The following RAB27B variants were observed in gnomAD, a reference collection of about 807,000 sequenced individuals.
RAB27B encodes the protein RAB27B, member RAS oncogene family, also known as ras-related protein Rab-27B.
A neutral mutation model predicts 24.6 loss-of-function variants in RAB27B; 15 were observed. The observed-to-expected ratio is 0.61, with a 90% CI of 0.41 to 0.94. RAB27B has a LOEUF of 0.94. Among genes scored for constraint, RAB27B ranks in the 40% least tolerant of loss-of-function variants. The pLI, the probability that RAB27B is intolerant of heterozygous loss-of-function variation, is 0.00. For missense variants in RAB27B, 261 were observed against 266.8 expected (o/e 0.98, Z 0.15); for synonymous variants, 105 against 92.5 (o/e 1.14, Z -0.78).
intron 2 of RAB27B, among the ~76,000 whole-genome samples, chr18:54,810,970 A>G (rs1173203806): frequency 6.6e-6 from 1 of 152,138 alleles, no homozygotes; most frequent in African/African-American, 2.4e-5. Context: ...TTGTTAAATT[A>G]TCTTTGTATC....
At chr18:54,731,551 T>C (rs1346938589) in intron 2 of RAB27B, among the ~76,000 whole-genome samples, 4 of 151,894 alleles carry the variant, frequency 2.6e-5, no homozygotes, top group Non-Finnish European at 5.9e-5. Flanking sequence ...AGAAACCCTA[T>C]GTCTACTAAA....
rs577861065 is a variant in RAB27B at position 54,740,844 on chromosome 18, A to C, written c.-20+22703A>C. On this transcript the variant is annotated intron_variant, in intron 2 of 4. Coordinates refer to the RAB27B transcript ENST00000586570. ...ATAGATAGATAGATGATAGATCGAT[A>C]GATAGATAATATAAAGAATGAAATG... 5.3e-5 allele frequency among the ~76,000 whole-genome samples: 8 copies of C among 152,324 alleles called. No homozygotes were observed. The Middle Eastern group carries it at 0.01, about 194-fold the overall frequency.
intron 2 of RAB27B, among the ~76,000 whole-genome samples, chr18:54,796,960 A>G (rs1255884703): frequency 6.6e-6 from 1 of 152,232 alleles, no homozygotes; most frequent in Non-Finnish European, 1.5e-5. Context: ...TTTCTGCAAC[A>G]TCTGAGTTTA....
intron 1 of RAB27B, among the ~76,000 whole-genome samples, chr18:54,876,628 T>C (rs2145269745): frequency 6.6e-6 from 1 of 152,224 alleles, no homozygotes; most frequent in Admixed American, 6.5e-5. Context: ...GTCATTCAAA[T>C]ACATGTCCTG....
At chr18:54,829,247 G>C (rs1218831241) in intron 1 of RAB27B, among the ~76,000 whole-genome samples, 1 of 152,128 alleles carries the variant, frequency 6.6e-6, no homozygotes, top group African/African-American at 2.4e-5. Context: ...ACCAACTAGG[G>C]TATATGTGTG....
At chr18:54,800,259 A>C (rs1211230778) in intron 2 of RAB27B, among the ~76,000 whole-genome samples, 1 of 152,230 alleles carries the variant, frequency 6.6e-6, no homozygotes, top group Non-Finnish European at 1.5e-5. Context: ...ATTATTTGCT[A>C]TTATAAACCA....
chr18:54,875,049 G>A (rs1303808973), intron 1 of RAB27B, among the ~76,000 whole-genome samples: 1 of 152,176 alleles, frequency 6.6e-6, no homozygotes, highest in East Asian at 1.9e-4. Flanking sequence ...CAGGCTGAGC[G>A]TGGTGGCTCA....
chr18:54,827,291 C>T (rs898671645), upstream of RAB27B, among the ~76,000 whole-genome samples: 2 of 152,214 alleles, frequency 1.3e-5, no homozygotes, highest in Non-Finnish European at 2.9e-5. Flanking sequence ...ATAGAACTTA[C>T]TGTGCCAGGC....
At chr18:54,724,275 G>T (rs1421846272) in intron 2 of RAB27B, among the ~76,000 whole-genome samples, 14 of 151,640 alleles carry the variant, frequency 9.2e-5, no homozygotes. Context: ...AAATTACTTA[G>T]TAGTTTGAAT....
chr18:54,722,597 G>A (rs546667543), intron 2 of RAB27B, among the ~76,000 whole-genome samples: 1 of 152,142 alleles, frequency 6.6e-6, no homozygotes. Context: ...AATTGATAAA[G>A]ATCAGTATTT....
intron 2 of RAB27B, among the ~76,000 whole-genome samples, chr18:54,766,476 T>C (rs747981009): frequency 1.2e-4 from 18 of 152,250 alleles, no homozygotes; most frequent in Admixed American, 8.5e-4. Context: ...TTTTTGTTTT[T>C]GTTTTTTTTT....
At chr18:54,804,904 C>CTCTCTTTCTTTCTTTCTTTCTTTCTT (rs1555658012) in intron 2 of RAB27B, among the ~76,000 whole-genome samples, 86 of 47,968 alleles carry the variant, frequency 1.8e-3, no homozygotes, top group African/African-American at 3.9e-3. Flanking sequence ...CTTTCTCTCT[C>CTCTCTTTCTTTCTTTCTTTCTTTCTT]TCTTTCTTTC....
chr18:54,738,658 C>G (rs1055799071), intron 2 of RAB27B, among the ~76,000 whole-genome samples: 1 of 152,126 alleles, frequency 6.6e-6, no homozygotes, highest in African/African-American at 2.4e-5. Flanking sequence ...CTATCATATC[C>G]CAGACATTGC....
intron 1 of RAB27B, among the ~76,000 whole-genome samples, chr18:54,867,054 A>C (rs1204203936): frequency 6.6e-6 from 1 of 152,196 alleles, no homozygotes; most frequent in African/African-American, 2.4e-5. Context: ...GGTCACACCA[A>C]AGTATTGGGC....
intron 2 of RAB27B, among the ~76,000 whole-genome samples, chr18:54,727,832 C>T (rs1460251533): frequency 6.6e-6 from 1 of 152,022 alleles, no homozygotes; most frequent in Non-Finnish European, 1.5e-5. Flanking sequence ...ATTATTATGC[C>T]ACCGTTTAAA....
chr18:54,769,127 G>A (rs1908459585), intron 2 of RAB27B, among the ~76,000 whole-genome samples: 1 of 152,110 alleles, frequency 6.6e-6, no homozygotes, highest in Non-Finnish European at 1.5e-5. Context: ...TTCTGTTTAT[G>A]AGCCTTTATA....
chr18:54,866,423 G>A (rs968558293), intron 1 of RAB27B, among the ~76,000 whole-genome samples: 1 of 152,198 alleles, frequency 6.6e-6, no homozygotes, highest in African/African-American at 2.4e-5. Context: ...ACCCTCCCTA[G>A]TAGCTGGGAT....
intron 2 of RAB27B, among the ~76,000 whole-genome samples, chr18:54,781,333 G>A (rs929025140): frequency 6.6e-6 from 1 of 152,050 alleles, no homozygotes; most frequent in Admixed American, 6.5e-5. Context: ...CAGTGGGTGA[G>A]GAGAATGGAG....
intron 1 of RAB27B, among the ~76,000 whole-genome samples, chr18:54,851,005 CTG>C (rs543250398): frequency 1.1e-4 from 17 of 152,026 alleles, no homozygotes; most frequent in Middle Eastern, 3.4e-3. Flanking sequence ...TGCAAAACCT[CTG>C]AGGATTATTT....
Sources: allele counts gnomAD v4.1 joint callset (sites outside exome capture counted in the v4.1 genomes callset), GRCh38; gene constraint gnomAD v4.1.1; transcripts MANE v1.5; gene names NCBI Gene and HGNC (gene_info 2026-07-23, HGNC 2026-07-21).